The following NCKAP1L variants were observed in gnomAD, a reference collection of about 807,000 sequenced individuals.
The protein encoded by NCKAP1L is nck-associated protein 1-like.
NCKAP1L carries 53 observed loss-of-function variants against 139.2 expected under a neutral mutation model. The observed-to-expected ratio is 0.38, with a 90% confidence interval of 0.31 to 0.48. The LOEUF is 0.48. NCKAP1L is among the 20% of genes least tolerant of loss of function. NCKAP1L has a pLI of 0.98. For missense variants in NCKAP1L, 1,151 were observed against 1,381.9 expected (o/e 0.83, Z 2.65); for synonymous variants, 468 against 499.7 (o/e 0.94, Z 0.85).
At chr12:54,511,747 T>C in intron 7 of NCKAP1L, 56 bp from the exon 8 acceptor site, 1 of 1,585,474 alleles carries the variant, frequency 6.3e-7, no homozygotes, top group Non-Finnish European at 8.6e-7. Flanking sequence ...TTGTCCTTTC[T>C]CCTTTAGAGG....
chr12:54,533,307 G>A (rs1313593024), intron 26 of NCKAP1L, among the ~76,000 whole-genome samples: 1 of 152,206 alleles, frequency 6.6e-6, no homozygotes, highest in Non-Finnish European at 1.5e-5. Context: ...TAGGGGCAGA[G>A]AGGGAGGATG....
At chr12:54,506,800 T>TATATATATA (rs1956844410) in intron 3 of NCKAP1L, among the ~76,000 whole-genome samples, 1 of 85,004 alleles carries the variant, frequency 1.2e-5, no homozygotes, top group South Asian at 4.3e-4. Flanking sequence ...AAAAAAAATA[T>TATATATATA]ATATATATAT....
intron 3 of NCKAP1L, among the ~76,000 whole-genome samples, chr12:54,505,435 TC>T (rs1304226200): frequency 1.1e-4 from 13 of 117,550 alleles, no homozygotes; most frequent in Middle Eastern, 4.0e-3. Context: ...CCCCAAGGGT[TC>T]CTTGTGCCTT....
intron 9 of NCKAP1L, among the ~76,000 whole-genome samples, chr12:54,513,293 C>A (rs140624903): frequency 6.6e-6 from 1 of 152,212 alleles, no homozygotes; most frequent in East Asian, 1.9e-4. Context: ...AGAAAGATTG[C>A]GTGGTTAGTT....
rs375218636 is a variant in NCKAP1L, at chr12:54,518,967, C to T, written c.1474C>T (p.Leu492=). Residue 492 remains leucine (L), a synonymous_variant, in exon 15 of 31, where the codon CTA becomes TTA. Transcript: ENST00000293373. ...AGGATTGAGGCTGGACTGGTTCCGCCTACAGGTAATGATCTGTTCCTGTTA... is the reference window on the plus strand; with the variant it reads ...AGGATTGAGGCTGGACTGGTTCCGCTTACAGGTAATGATCTGTTCCTGTTA... ...FSGLRLDWFR[L]QAYTSVAKAP... 19 of 1,613,232 alleles carry T rather than the reference C, an allele frequency of 1.2e-5. No homozygotes were observed. The highest frequency in any genetic ancestry group is 1.6e-5 in the Non-Finnish European group (19 of 1,179,380).
intron 20 of NCKAP1L, among the ~76,000 whole-genome samples, chr12:54,524,899 T>C (rs926490293): frequency 1.3e-5 from 2 of 152,140 alleles, no homozygotes; most frequent in African/African-American, 4.8e-5. Flanking sequence ...AAGGCCTCTT[T>C]GAGAAAGTAA....
chr12:54,545,511 A>C lies in NCKAP1L; in HGVS notation c.*2826A>C, dbSNP rs1315351165. The stretch of plus-strand genomic sequence containing the variant: ...AGGACATGATGGCCTTTACTACCGG[A>C]AGCAAAAAGTGAATGTCCAGAGGTG... On this transcript the variant is annotated 3_prime_UTR_variant, in exon 31 of 31. Transcript: ENST00000293373. 6.6e-6 allele frequency: 1 copy of C among 152,178 alleles called. No homozygotes were observed. Among genetic ancestry groups the C allele is most frequent in the Non-Finnish European group, 1.5e-5 (1 of 68,042 alleles). The allele number at this position is 152,178 out of a possible 1,614,324, so 9.4% of individuals were successfully genotyped here.
intron 7 of NCKAP1L, among the ~76,000 whole-genome samples, chr12:54,511,438 G>T (rs776199510): frequency 4.6e-5 from 7 of 152,156 alleles, no homozygotes; most frequent in East Asian, 1.9e-4. Flanking sequence ...ACAGGGTTTT[G>T]CTCTGTTGCC....
chr12:54,501,985 AT>A (rs1366499499), intron 3 of NCKAP1L, among the ~76,000 whole-genome samples: 1 of 152,176 alleles, frequency 6.6e-6, no homozygotes, highest in Non-Finnish European at 1.5e-5. Flanking sequence ...TTTGCTAATG[AT>A]TAGTGATAAT....
Position 54,519,195 on chromosome 12 carries a change from T to C in NCKAP1L, c.1488T>C (p.Thr496=), listed in dbSNP as rs377492803. Residue 496 remains threonine, a synonymous_variant, in exon 16 of 31, where the codon ACT becomes ACC. Transcript: ENST00000293373. ...RLDWFRLQAY[T]SVAKAPLHLH... ...CCCAACTCCAACCGCAGGCATACAC[T>C]AGCGTGGCTAAGGCCCCTCTGCACC... is the stretch of plus-strand genomic sequence containing the variant. 2 of 1,563,378 alleles carry C rather than the reference T, an allele frequency of 1.3e-6. No homozygotes were observed. Among genetic ancestry groups the C allele is most frequent in the Non-Finnish European group, 1.7e-6 (2 of 1,162,796 alleles).
At chr12:54,539,992 G>C (rs537328503) in intron 30 of NCKAP1L, among the ~76,000 whole-genome samples, 208 of 152,336 alleles carry the variant, frequency 1.4e-3, no homozygotes, top group Non-Finnish European at 2.6e-3. Flanking sequence ...CTAACTGAGG[G>C]TGGGAGGAGA....
Position 54,509,857 on chromosome 12 carries a change from G to A in NCKAP1L, c.607G>A (p.Gly203Arg), listed in dbSNP as rs958135628. ...TTGCTTTTCCCCACAGGCTGTGAGTGGAGCCCTCCTCTCTTTGCATTTCCT... is the reference window on the plus strand; with the variant it reads ...TTGCTTTTCCCCACAGGCTGTGAGTAGAGCCCTCCTCTCTTTGCATTTCCT... ...EFGPHTKAVS[G>R]ALLSLHFLFV... The change falls in exon 7 of 31, where the codon GGA (glycine) becomes AGA (arginine). Residue 203 changes from glycine to arginine, a missense_variant. Coordinates refer to ENST00000293373, the MANE Select transcript of NCKAP1L (RefSeq NM_005337.5). 4 of 1,614,070 alleles carry A rather than the reference G, an allele frequency of 2.5e-6. No individual in the cohort carries two copies. The highest frequency in any genetic ancestry group is 3.4e-6 in the Non-Finnish European group (4 of 1,180,032).
At chr12:54,542,045 T>C (rs984914006) in intron 30 of NCKAP1L, among the ~76,000 whole-genome samples, 3 of 151,988 alleles carry the variant, frequency 2.0e-5, no homozygotes, top group African/African-American at 7.3e-5. Flanking sequence ...GGCTTCTAAT[T>C]AAACTAATTA....
rs761691067 is a variant in NCKAP1L, at chr12:54,508,377, T to C, written c.364-12T>C. 6.2e-7 allele frequency: 1 copy of C among 1,613,994 alleles called. No individual in the cohort carries two copies. The highest frequency in any genetic ancestry group is 8.5e-7 in the Non-Finnish European group (1 of 1,179,858). On this transcript the variant is annotated splice_polypyrimidine_tract_variant and intron_variant, in intron 4 of 30. Coordinates refer to ENST00000293373, the MANE Select transcript of NCKAP1L (RefSeq NM_005337.5). ...CATGCTGTCCTTGGGTTCCTATGTA[T>C]TTTCCTTGTAGAATCTCAACTTTGA...
At chr12:54,528,873 G>C (rs1392866737) in intron 22 of NCKAP1L, among the ~76,000 whole-genome samples, 1 of 152,000 alleles carries the variant, frequency 6.6e-6, no homozygotes, top group Non-Finnish European at 1.5e-5. Flanking sequence ...CTGACCTTGT[G>C]ATCTGCCCGC....
At position 54,531,251 on chromosome 12, in the gene NCKAP1L, C is replaced by T; in HGVS notation, c.2507-9C>T. 1.2e-6 allele frequency: 2 copies of T among 1,609,546 alleles called. No homozygotes were observed. The highest frequency in any genetic ancestry group is 1.7e-6 in the Non-Finnish European group (2 of 1,175,764). On this transcript the variant is annotated splice_polypyrimidine_tract_variant and intron_variant, in intron 22 of 30. Transcript: ENST00000293373. ...AGTCCCATCTGGGGCCTCTGTAACT[C>T]TGTTCCAGAGATGCGGGCCTTGGCA... is the stretch of plus-strand genomic sequence containing the variant.
At chr12:54,531,170 A>G (rs1957065744) in intron 22 of NCKAP1L, 90 bp from the exon 23 acceptor site, 3 of 1,040,542 alleles carry the variant, frequency 2.9e-6, no homozygotes, top group African/African-American at 1.6e-5. Context: ...GCTGGAAAAC[A>G]TTTTAAATAT....
Position 54,528,240 on chromosome 12 carries a change from C to G in NCKAP1L, c.2376-7C>G. 6.2e-7 allele frequency: 1 copy of G among 1,613,256 alleles called. No individual in the cohort carries two copies. Among genetic ancestry groups the G allele is most frequent in the South Asian group, 1.1e-5 (1 of 91,014 alleles). Reference sequence around the variant, plus strand: ...CCTAATCTATGTTTTCTTGGCCAACCCTGTAGGTACCTGGAAAGTCTGCTT... The same window carrying G: ...CCTAATCTATGTTTTCTTGGCCAACGCTGTAGGTACCTGGAAAGTCTGCTT... On this transcript the variant is annotated splice_polypyrimidine_tract_variant and splice_region_variant and intron_variant, in intron 21 of 30. Transcript: ENST00000293373.
intron 3 of NCKAP1L, among the ~76,000 whole-genome samples, chr12:54,501,766 A>G (rs936515143): frequency 1.6e-4 from 24 of 152,322 alleles, no homozygotes; most frequent in African/African-American, 5.8e-4. Flanking sequence ...TCGGCCTCCC[A>G]AAGGCTGGAC....
Sources: allele counts gnomAD v4.1 joint callset (sites outside exome capture counted in the v4.1 genomes callset), GRCh38; gene constraint gnomAD v4.1.1; transcripts MANE v1.5; gene names NCBI Gene and HGNC (gene_info 2026-07-23, HGNC 2026-07-21).